The following APOL1 variants were observed in gnomAD, a reference collection of about 807,000 sequenced individuals.
The protein encoded by APOL1 is apolipoprotein L1.
A neutral mutation model predicts 14.9 loss-of-function variants in APOL1; 17 were observed. The observed-to-expected ratio is 1.14, with a 90% CI of 0.78 to 1.71. APOL1 has a LOEUF of 1.71. APOL1 is among the 40% of genes most tolerant of loss of function. The probability of loss-of-function intolerance (pLI) is 0.00; values close to 1 mark genes in which losing one functional copy is unlikely to be tolerated. For synonymous variants in APOL1, 195 were observed against 184.8 expected (o/e 1.05, Z -0.45); for missense variants, 523 against 485.9 (o/e 1.08, Z -0.72).
intron 3 of APOL1, 37 bp downstream of exon 3, chr22:36,257,173 T>C: frequency 6.2e-7 from 1 of 1,613,734 alleles, no homozygotes; most frequent in Non-Finnish European, 8.5e-7. Flanking sequence ...GGGGGCTCAG[T>C]GATAGACAAA....
Position 36,266,236 on chromosome 22 carries a change from G to T in APOL1, c.*203G>T. 1.9e-6 allele frequency: 1 copy of T among 538,226 alleles called. No homozygotes were observed. The highest frequency in any genetic ancestry group is 3.2e-6 in the Non-Finnish European group (1 of 311,172). The allele number at this position is 538,226 out of a possible 1,614,324, so 33.3% of individuals were successfully genotyped here. ...CTCCCAAGTAGCTGGGACTACAGGC[G>T]CCTACCACCATGCCCAGCTAATTTT... On this transcript the variant is annotated 3_prime_UTR_variant, in exon 6 of 6. Transcript: ENST00000397278.
chr22:36,255,655 G>T (rs566269752), intron 2 of APOL1, among the ~76,000 whole-genome samples: 2 of 150,298 alleles, frequency 1.3e-5, no homozygotes, highest in Non-Finnish European at 3.0e-5. Context: ...GGGGGCTTTA[G>T]TATGAGAGCT....
At chr22:36,255,811 C>T (rs893244211) in intron 2 of APOL1, among the ~76,000 whole-genome samples, 11 of 150,722 alleles carry the variant, frequency 7.3e-5, no homozygotes, top group Admixed American at 4.0e-4. Flanking sequence ...TGCTTGGAGC[C>T]GCCCCTAACT....
At position 36,257,100 on chromosome 22, in the gene APOL1, T is replaced by C. The variant is rs1326772470; in HGVS notation, c.62T>C (p.Leu21Pro). The change falls in exon 3 of 6, where the codon CTT becomes CCT. Residue 21 changes from leucine (L) to proline (P), a missense_variant. By Grantham distance (98) the Leu-to-Pro change is moderately conservative. Transcript: ENST00000397278. ...VLCIWMSALF[L>P]GVGVRAEEAG... is the part of the protein sequence containing the mutation. ...CCCAACAGGATGAGTGCACTTTTCCTTGGTGTGGGAGTGAGGGCAGAGGAA... is the reference window on the plus strand; with the variant it reads ...CCCAACAGGATGAGTGCACTTTTCCCTGGTGTGGGAGTGAGGGCAGAGGAA... The C allele has an allele frequency of 2.5e-6, 4 of 1,614,166 alleles. No homozygotes were observed. Among genetic ancestry groups the C allele is most frequent in the Non-Finnish European group, 2.5e-6 (3 of 1,180,014 alleles).
At chr22:36,256,604 G>C (rs187482679) in intron 2 of APOL1, among the ~76,000 whole-genome samples, 21 of 152,348 alleles carry the variant, frequency 1.4e-4, no homozygotes, top group Admixed American at 2.6e-4. Flanking sequence ...AGGCTGTCCA[G>C]TGCAGCACCA....
chr22:36,253,952 G>T, intron 1 of APOL1: 1 of 1,614,206 alleles, frequency 6.2e-7, no homozygotes, highest in South Asian at 1.1e-5. Context: ...CATGATGCCA[G>T]CTTTGCAATC....
At chr22:36,264,949 C>G (rs2016186167) in intron 5 of APOL1, among the ~76,000 whole-genome samples, 1 of 151,434 alleles carries the variant, frequency 6.6e-6, no homozygotes, top group Non-Finnish European at 1.5e-5. Flanking sequence ...GTAGCTGGGA[C>G]TACAGGCGCC....
At chr22:36,259,848 C>A in intron 4 of APOL1, 1 of 1,304,270 alleles carries the variant, frequency 7.7e-7, no homozygotes, top group Non-Finnish European at 1.0e-6. Flanking sequence ...GAGGAATCTC[C>A]TTTGCATGGT....
rs568545546 is a variant in APOL1 at position 36,258,977 on chromosome 22, CT to C, written c.187+1571del. On this transcript the variant is annotated intron_variant, in intron 4 of 5. Transcript: ENST00000397278. Reference sequence around the variant, plus strand: ...GATCCTGTGGGCCCATCCCCTCCCCCTGTCCCTACAGGTGGTTTCAGCAACT... The same window carrying C: ...GATCCTGTGGGCCCATCCCCTCCCCCGTCCCTACAGGTGGTTTCAGCAACT... Among the ~76,000 whole-genome samples, 19 of 152,300 alleles carry C rather than the reference CT, an allele frequency of 1.2e-4. No homozygotes were observed. The East Asian group carries it at 3.3e-3, about 26-fold the overall frequency.
At chr22:36,257,187 T>C (rs2015911082) in intron 3 of APOL1, 51 bp downstream of exon 3, 1 of 1,612,848 alleles carries the variant, frequency 6.2e-7, no homozygotes, top group East Asian at 2.2e-5. Context: ...AGACAAACAA[T>C]CTGGTTTAGG....
Position 36,265,266 on chromosome 22 carries a change from T to G in APOL1, c.430T>G (p.Phe144Val). ...GTACAGAAACTGGTTTCTGAAAGAG[T>G]TTCCTCGGTTGAAAAGTGAGCTTGA... ...QQYRNWFLKE[F>V]PRLKSELEDN... is the part of the protein sequence containing the mutation. The change falls in exon 6 of 6, where the codon TTT becomes GTT. Residue 144 changes from phenylalanine (F) to valine (V), a missense_variant. Coordinates refer to ENST00000397278, the MANE Select transcript of APOL1 (RefSeq NM_003661.4). 4 of 1,613,994 alleles carry G rather than the reference T, an allele frequency of 2.5e-6. No homozygotes were observed. The highest frequency in any genetic ancestry group is 3.3e-4 in the Middle Eastern group (2 of 6,060).
rs774981170 is a variant in APOL1, at chr22:36,261,750, G to C, written c.314+28G>C. On this transcript the variant is annotated intron_variant, in intron 5 of 5. Coordinates refer to ENST00000397278, the MANE Select transcript of APOL1 (RefSeq NM_003661.4). Reference sequence around the variant, plus strand: ...AAGCTCCATGGGGTTACCTCCATTGGGCACTCCGGCGATGCCACCCAGCTC... The same window carrying C: ...AAGCTCCATGGGGTTACCTCCATTGCGCACTCCGGCGATGCCACCCAGCTC... The C allele has an allele frequency of 1.7e-5, 28 of 1,600,380 alleles. No homozygotes were observed. In the South Asian group the frequency reaches 3.1e-4, roughly 18 times the overall value.
Position 36,254,982 on chromosome 22 carries a change from C to G in APOL1, c.27C>G (p.Val9=). 1.2e-6 allele frequency: 2 copies of G among 1,613,996 alleles called. No individual in the cohort carries two copies. The highest frequency in any genetic ancestry group is 1.7e-6 in the Non-Finnish European group (2 of 1,179,846). ...TGGAGGGAGCTGCTTTGCTGAGAGT[C>G]TCTGTCCTCTGCATCTGGTGAGCTT... MEGAALLR[V]SVLCIWMSAL... The change falls in exon 2 of 6, where the codon GTC becomes GTG. Residue 9 remains valine, a synonymous_variant. Transcript: ENST00000397278.
rs1047514407 is a variant in APOL1, at chr22:36,261,661, C to T, written c.253C>T (p.Leu85=). The change falls in exon 5 of 6, where the codon CTA becomes TTA. Residue 85 remains leucine (L), a synonymous_variant. Coordinates refer to ENST00000397278, the MANE Select transcript of APOL1 (RefSeq NM_003661.4). ...FKEKVSTQNL[L]LLLTDNEAWN... ...GGAAAAAGTGAGCACACAGAATCTG[C>T]TACTCCTGCTGACTGATAATGAGGC... 2 of 1,613,998 alleles carry T rather than the reference C, an allele frequency of 1.2e-6. No individual in the cohort carries two copies. The highest frequency in any genetic ancestry group is 2.7e-5 in the African/African-American group (2 of 74,908).
intron 4 of APOL1, among the ~76,000 whole-genome samples, chr22:36,258,899 G>T (rs1051377573): frequency 6.6e-6 from 1 of 152,136 alleles, no homozygotes; most frequent in Admixed American, 6.5e-5. Flanking sequence ...CAGACCCAGC[G>T]CCGAGTTGGA....
intron 2 of APOL1, among the ~76,000 whole-genome samples, chr22:36,256,691 G>A (rs532990274): frequency 6.6e-6 from 1 of 152,334 alleles, no homozygotes; most frequent in South Asian, 2.1e-4. Context: ...TACCATGAGC[G>A]TGTATACATG....
At chr22:36,255,300 C>T (rs545710568) in intron 2 of APOL1, among the ~76,000 whole-genome samples, 6 of 152,082 alleles carry the variant, frequency 3.9e-5, no homozygotes, top group East Asian at 3.9e-4. Context: ...CGGGGGAATC[C>T]GAGGCACCAG....
At position 36,265,668 on chromosome 22, in the gene APOL1, G is replaced by A. The variant is rs1346736413; in HGVS notation, c.832G>A (p.Gly278Ser). 3 of 1,603,296 alleles carry A rather than the reference G, an allele frequency of 1.9e-6. No homozygotes were observed. The highest frequency in any genetic ancestry group is 2.2e-5 in the East Asian group (1 of 44,772). Residue 278 changes from glycine to serine, a missense_variant, in exon 6 of 6, where the codon GGC (glycine) becomes AGC (serine). By Grantham distance (56) the Gly-to-Ser change is moderately conservative. Transcript: ENST00000397278. ...LAGNTYQLTR[G>S]IGKDIRALRR... ...TGGCAATACTTACCAACTCACACGA[G>A]GCATTGGGAAGGACATCCGTGCCCT...
chr22:36,254,602 G>A (rs542850241), intron 1 of APOL1, among the ~76,000 whole-genome samples: 2 of 152,072 alleles, frequency 1.3e-5, no homozygotes, highest in African/African-American at 4.8e-5. Flanking sequence ...GGTGGCTCAC[G>A]CCTGTAATCC....
Sources: gnomAD v4.1 joint callset for allele counts (sites outside exome capture counted in the v4.1 genomes callset) on GRCh38, gnomAD v4.1.1 for gene constraint, MANE v1.5 for transcripts, NCBI Gene and HGNC (gene_info 2026-07-23, HGNC 2026-07-21) for gene names.